SLCO3A1: variants seen among roughly 807,000 people sequenced by gnomAD.
SLCO3A1 encodes the protein PGE1 transporter.
SLCO3A1 carries 27 observed loss-of-function variants against 63.1 expected under a neutral mutation model. That is an observed-to-expected ratio of 0.43 (90% CI 0.32 to 0.59). The LOEUF is 0.59. Among genes scored for constraint, SLCO3A1 ranks in the 20% least tolerant of loss-of-function variants. The pLI is 0.09. For synonymous variants in SLCO3A1, 473 were observed against 409.9 expected (o/e 1.15, Z -1.86); for missense variants, 773 against 945.8 (o/e 0.82, Z 2.40).
intron 2 of SLCO3A1, among the ~76,000 whole-genome samples, chr15:91,936,461 A>T (rs1899417278): frequency 6.6e-6 from 1 of 152,240 alleles, no homozygotes; most frequent in Admixed American, 6.5e-5. Context: ...TGGAGACTGT[A>T]GATTGTTGAA....
chr15:92,009,517 C>T (rs1339291018), intron 2 of SLCO3A1, among the ~76,000 whole-genome samples: 3 of 152,160 alleles, frequency 2.0e-5, no homozygotes, highest in African/African-American at 4.8e-5. Flanking sequence ...AATAAGTAAA[C>T]CAGGGATTCG....
chr15:92,007,071 C>T (rs955758823), intron 2 of SLCO3A1, among the ~76,000 whole-genome samples: 4 of 152,266 alleles, frequency 2.6e-5, no homozygotes, highest in East Asian at 3.9e-4. Flanking sequence ...AGTTTATAAA[C>T]GAACTAAGCA....
intron 9 of SLCO3A1, among the ~76,000 whole-genome samples, chr15:92,160,139 G>A (rs1390404247): frequency 6.6e-6 from 1 of 152,074 alleles, no homozygotes; most frequent in Non-Finnish European, 1.5e-5. Context: ...CACAAGGAGG[G>A]AGGAGCATTT....
At position 91,962,658 on chromosome 15, in the gene SLCO3A1, C is replaced by T. The variant is rs781270563; in HGVS notation, c.646+46200C>T. 4.0e-5 allele frequency among the ~76,000 whole-genome samples: 6 copies of T among 151,758 alleles called. No homozygotes were observed. In the East Asian group the frequency reaches 7.8e-4, roughly 20 times the overall value. On this transcript the variant is annotated intron_variant, in intron 2 of 9. Transcript: ENST00000318445. ...TGGCTGTGGAAGGTCCTAAGCCCAA[C>T]GGAGAGCCCAGCAGTGATGTTTAGG... is the stretch of plus-strand genomic sequence containing the variant.
At chr15:92,050,268 A>G (rs1597260633) in intron 2 of SLCO3A1, among the ~76,000 whole-genome samples, 1 of 152,144 alleles carries the variant, frequency 6.6e-6, no homozygotes, top group Admixed American at 6.5e-5. Flanking sequence ...TGGGCTGGGC[A>G]CTCTGCCCTT....
At chr15:91,905,744 T>C (rs920410931) in intron 1 of SLCO3A1, among the ~76,000 whole-genome samples, 10 of 152,212 alleles carry the variant, frequency 6.6e-5, no homozygotes, top group African/African-American at 2.4e-4. Flanking sequence ...ATAAAAGTCT[T>C]GTAAAGAAAA....
At position 92,132,196 on chromosome 15, in the gene SLCO3A1, G is replaced by A. The variant is rs962648966; in HGVS notation, c.1512+3707G>A. Among the ~76,000 whole-genome samples, 10 of 145,856 alleles carry A rather than the reference G, an allele frequency of 6.9e-5. 1 individual carries two copies. Among genetic ancestry groups the A allele is most frequent in the Admixed American group, 2.0e-4 (3 of 14,672 alleles). ...CTTGCTCGCCACTCACCACTTTATC[G>A]TTTCCATCAAGACGTGAAAATTCCC... On this transcript the variant is annotated intron_variant, in intron 7 of 9. Transcript: ENST00000318445.
At chr15:91,925,905 T>A (rs994773806) in intron 2 of SLCO3A1, among the ~76,000 whole-genome samples, 1 of 152,226 alleles carries the variant, frequency 6.6e-6, no homozygotes, top group East Asian at 1.9e-4. Flanking sequence ...TAAATTATCC[T>A]TTCCAACATC....
chr15:91,963,859 C>T (rs1179074116), intron 2 of SLCO3A1, among the ~76,000 whole-genome samples: 3 of 152,016 alleles, frequency 2.0e-5, no homozygotes, highest in Admixed American at 2.0e-4. Flanking sequence ...GCTTCCACGG[C>T]GTGGAAGGGG....
intron 2 of SLCO3A1, among the ~76,000 whole-genome samples, chr15:92,078,253 G>C (rs947978255): frequency 3.3e-5 from 5 of 152,312 alleles, no homozygotes; most frequent in South Asian, 2.1e-4. Flanking sequence ...GTTGGCTTTT[G>C]GGAGCACCAG....
chr15:91,900,775 T>C lies in SLCO3A1; in HGVS notation c.181-15218T>C, dbSNP rs944049852. Among the ~76,000 whole-genome samples the C allele has an allele frequency of 1.3e-5, 2 of 152,252 alleles. No homozygotes were observed. Among genetic ancestry groups the C allele is most frequent in the Non-Finnish European group, 2.9e-5 (2 of 68,044 alleles). Reference sequence around the variant, plus strand: ...TTTGTATATCTTCCTTGGTGAAATATCTCCTCAAATTACTTGCCTATTTTA... The same window carrying C: ...TTTGTATATCTTCCTTGGTGAAATACCTCCTCAAATTACTTGCCTATTTTA... On this transcript the variant is annotated intron_variant, in intron 1 of 9. Transcript: ENST00000318445. This position sits in a 1 kb window ranked among gnomAD's most constrained non-coding sequence, Gnocchi z 4.3.
intron 2 of SLCO3A1, among the ~76,000 whole-genome samples, chr15:91,957,092 A>ATTATATATACTATATATT (rs1491425919): frequency 1.9e-3 from 1 of 520 alleles, no homozygotes; most frequent in Non-Finnish European, 2.5e-3. Context: ...TAGTATATAT[A>ATTATATATACTATATATT]ATATATATAA....
intron 5 of SLCO3A1, among the ~76,000 whole-genome samples, chr15:92,120,834 G>A (rs1163957684): frequency 6.6e-6 from 1 of 152,136 alleles, no homozygotes; most frequent in African/African-American, 2.4e-5. Context: ...AAAAGCACAT[G>A]ATAATAAAGA....
intron 2 of SLCO3A1, among the ~76,000 whole-genome samples, chr15:92,088,603 G>A (rs1444522456): frequency 6.6e-6 from 1 of 152,170 alleles, no homozygotes; most frequent in African/African-American, 2.4e-5. Context: ...CAATCAAGGT[G>A]CTGGCAGGGC....
At chr15:91,938,572 C>T (rs569999236) in intron 2 of SLCO3A1, among the ~76,000 whole-genome samples, 51 of 150,496 alleles carry the variant, frequency 3.4e-4, no homozygotes, top group Non-Finnish European at 4.9e-4. Context: ...ATGTGTCAGG[C>T]TACTCTGAAT....
At chr15:92,122,871 T>C (rs556796499) in intron 5 of SLCO3A1, among the ~76,000 whole-genome samples, 15 of 152,100 alleles carry the variant, frequency 9.9e-5, no homozygotes, top group East Asian at 1.9e-4. Context: ...TCTCACAGAG[T>C]TGAAAGACAT....
intron 7 of SLCO3A1, among the ~76,000 whole-genome samples, chr15:92,129,761 G>A (rs1297357570): frequency 6.6e-6 from 1 of 150,880 alleles, no homozygotes; most frequent in Non-Finnish European, 1.5e-5. Flanking sequence ...TTCTCTGAAA[G>A]AAGAAAAATG....
At position 91,997,230 on chromosome 15, in the gene SLCO3A1, A is replaced by C. The variant is rs964136998; in HGVS notation, c.646+80772A>C. On this transcript the variant is annotated intron_variant, in intron 2 of 9. Transcript: ENST00000318445. Reference sequence around the variant, plus strand: ...TAACATTCAAGCCAAAAGCCAAATCAAGAATGCAATAACATTTACAATAGC... The same window carrying C: ...TAACATTCAAGCCAAAAGCCAAATCCAGAATGCAATAACATTTACAATAGC... Among the ~76,000 whole-genome samples, 4 of 152,246 alleles carry C rather than the reference A, an allele frequency of 2.6e-5. No individual in the cohort carries two copies. The South Asian group carries it at 8.3e-4, about 31-fold the overall frequency.
At position 91,949,171 on chromosome 15, in the gene SLCO3A1, G is replaced by T. The variant is rs1032378853; in HGVS notation, c.646+32713G>T. ...GCTGCTTCTGCACACAGATAACTCTGACACACACCCAAATTGGCATAGAGA... is the reference window on the plus strand; with the variant it reads ...GCTGCTTCTGCACACAGATAACTCTTACACACACCCAAATTGGCATAGAGA... On this transcript the variant is annotated intron_variant, in intron 2 of 9. Coordinates refer to ENST00000318445, the MANE Select transcript of SLCO3A1 (RefSeq NM_013272.4). Among the ~76,000 whole-genome samples, 9 of 152,084 alleles carry T rather than the reference G, an allele frequency of 5.9e-5. No individual in the cohort carries two copies. In the East Asian group the frequency reaches 1.7e-3, roughly 29 times the overall value.
Sources: gnomAD v4.1 joint callset for allele counts (sites outside exome capture counted in the v4.1 genomes callset) on GRCh38, gnomAD v4.1.1 for gene constraint, Gnocchi (gnomAD v3.1) non-coding constraint, MANE v1.5 for transcripts, NCBI Gene and HGNC (gene_info 2026-07-23, HGNC 2026-07-21) for gene names.